ARHGAP27: variants seen among roughly 807,000 people sequenced by gnomAD.
The protein encoded by ARHGAP27 is rho GTPase-activating protein 27.
A neutral mutation model predicts 102.0 loss-of-function variants in ARHGAP27; 53 were observed. The observed-to-expected ratio is 0.52, with a 90% CI of 0.42 to 0.65. The LOEUF is 0.65. ARHGAP27 is among the 30% of genes least tolerant of loss of function. The pLI, the probability that ARHGAP27 is intolerant of heterozygous loss-of-function variation, is 0.00. For synonymous variants in ARHGAP27, 525 were observed against 542.8 expected, an observed-to-expected ratio of 0.97 and a Z score of 0.46; for missense variants, 1,117 against 1,256.2, an observed-to-expected ratio of 0.89 and a Z score of 1.68.
In ARHGAP27 at chr17:45,404,065, T is replaced by G; in HGVS notation, c.1511A>C (p.His504Pro). Residue 504 changes from histidine (H) to proline (P), a missense_variant, in exon 10 of 20, where the codon CAT becomes CCT. His to Pro is a moderately conservative substitution (Grantham distance 77). Transcript: ENST00000685559. ...TKTLDKAGVL[H>P]RTKTADKGKR... ...TCCCTTGTCTGCCGTCTTGGTGCGATGGAGCACCCCTGCCTTGTCCAAGGT... is the reference window on the plus strand; with the variant it reads ...TCCCTTGTCTGCCGTCTTGGTGCGAGGGAGCACCCCTGCCTTGTCCAAGGT... The G allele has an allele frequency of 4.3e-6, 7 of 1,614,164 alleles. No homozygotes were observed. The highest frequency in any genetic ancestry group is 5.9e-6 in the Non-Finnish European group (7 of 1,180,028).
At chr17:45,404,565 T>G in intron 7 of ARHGAP27, 36 bp downstream of exon 7, 2 of 1,613,728 alleles carry the variant, frequency 1.2e-6, no homozygotes, top group Non-Finnish European at 1.7e-6. Context: ...GATCTCTTCC[T>G]CTCTCCCCAA....
At position 45,397,036 on chromosome 17, in the gene ARHGAP27, T is replaced by C. The variant is rs377044245; in HGVS notation, c.1843-12A>G. On this transcript the variant is annotated splice_polypyrimidine_tract_variant and intron_variant, in intron 13 of 19. Coordinates refer to ENST00000685559, the MANE Select transcript of ARHGAP27 (RefSeq NM_001282290.2). ...GGCAGCTCTGCGGACTGGATTCCCA[T>C]AGCCTCAGAGAGGCGGGGCCTTGAG... The C allele has an allele frequency of 1.4e-5, 23 of 1,601,714 alleles. No individual in the cohort carries two copies. The African/African-American group carries it at 3.1e-4, about 21-fold the overall frequency.
intron 10 of ARHGAP27, 99 bp from the exon 11 acceptor site, chr17:45,403,808 G>T: frequency 8.9e-7 from 1 of 1,129,728 alleles, no homozygotes; most frequent in Non-Finnish European, 1.3e-6. Context: ...TAGGAACACA[G>T]GCTAGGGCAC....
Position 45,396,652 on chromosome 17 carries a change from C to G in ARHGAP27, c.2074+16G>C, listed in dbSNP as rs781617378. 15 of 1,613,184 alleles carry G rather than the reference C, an allele frequency of 9.3e-6. No homozygotes were observed. The highest frequency in any genetic ancestry group is 1.7e-4 in the Middle Eastern group (1 of 6,056). On this transcript the variant is annotated intron_variant, in intron 15 of 19. Transcript: ENST00000685559. ...GTCCCGGTCCCGGGTCCCCGCCCCC[C>G]GCAGGCCTCGGGTACCTTTGATGTA...
At chr17:45,423,097 C>G (rs576151483) in intron 4 of ARHGAP27, among the ~76,000 whole-genome samples, 1 of 152,146 alleles carries the variant, frequency 6.6e-6, no homozygotes, top group Non-Finnish European at 1.5e-5. Context: ...AGGAGAATCA[C>G]TTGAACCCAG....
chr17:45,404,105 G>A lies in ARHGAP27; in HGVS notation c.1480-9C>T. 1 of 1,614,162 alleles carries A rather than the reference G, an allele frequency of 6.2e-7. No individual in the cohort carries two copies. The highest frequency in any genetic ancestry group is 8.5e-7 in the Non-Finnish European group (1 of 1,180,018). Reference sequence around the variant, plus strand: ...TTGTCCAAGGTCTTGGTCTAAGAGAGAGAAGAGAGAGCAGGCGCAAGAGTG... The same window carrying A: ...TTGTCCAAGGTCTTGGTCTAAGAGAAAGAAGAGAGAGCAGGCGCAAGAGTG... On this transcript the variant is annotated splice_polypyrimidine_tract_variant and intron_variant, in intron 9 of 19. Coordinates refer to ENST00000685559, the MANE Select transcript of ARHGAP27 (RefSeq NM_001282290.2).
intron 4 of ARHGAP27, among the ~76,000 whole-genome samples, chr17:45,422,249 C>CA (rs1235168284): frequency 3.4e-5 from 5 of 145,666 alleles, no homozygotes; most frequent in Non-Finnish European, 4.6e-5. Context: ...ACAAAAAATA[C>CA]CAAAAAAAAA....
Position 45,404,013 on chromosome 17 carries a change from G to A in ARHGAP27, c.1547+16C>T. 1.2e-6 allele frequency: 2 copies of A among 1,613,770 alleles called. No homozygotes were observed. The highest frequency in any genetic ancestry group is 1.7e-6 in the Non-Finnish European group (2 of 1,179,898). The stretch of plus-strand genomic sequence containing the variant: ...AGGCCCACCCTGCCCCGGCCTGAGT[G>A]TAGATGGGCTCTCACCGGAGCCGCT... On this transcript the variant is annotated intron_variant, in intron 10 of 19. Transcript: ENST00000685559.
Position 45,395,555 on chromosome 17 carries a change from G to A in ARHGAP27, c.2571C>T (p.Pro857=), listed in dbSNP as rs1353057195. 1.1e-5 allele frequency: 18 copies of A among 1,604,258 alleles called. No homozygotes were observed. The highest frequency in any genetic ancestry group is 1.4e-5 in the Non-Finnish European group (17 of 1,175,750). Residue 857 remains proline, a synonymous_variant, in exon 20 of 20, where the codon CCC becomes CCT. Coordinates refer to ENST00000685559, the MANE Select transcript of ARHGAP27 (RefSeq NM_001282290.2). ...TGGGCATGCTGGTCTCTTCCACCTC[G>A]GGCCGCAGCAGCGTGGGCCCGAACA... ...AIVFGPTLLR[P]EVEETSMPMT...
chr17:45,398,058 A>C lies in ARHGAP27; in HGVS notation c.1744-11T>G. ...ATCTCGGCTCCGTAGCTGGAGGGACACAAGTCAGTGGGTCATCTCTGGTAC... is the reference window on the plus strand; with the variant it reads ...ATCTCGGCTCCGTAGCTGGAGGGACCCAAGTCAGTGGGTCATCTCTGGTAC... On this transcript the variant is annotated splice_polypyrimidine_tract_variant and intron_variant, in intron 12 of 19. Coordinates refer to ENST00000685559, the MANE Select transcript of ARHGAP27 (RefSeq NM_001282290.2). 1.9e-6 allele frequency: 3 copies of C among 1,597,000 alleles called. No individual in the cohort carries two copies. Among genetic ancestry groups the C allele is most frequent in the Non-Finnish European group, 1.7e-6 (2 of 1,167,470 alleles).
At chr17:45,398,937 C>A (rs564922804) in intron 12 of ARHGAP27, among the ~76,000 whole-genome samples, 10 of 152,288 alleles carry the variant, frequency 6.6e-5, no homozygotes, top group Middle Eastern at 3.4e-3. Flanking sequence ...GGAGTCCCCA[C>A]CACCTCCCAC....
chr17:45,397,820 T>C, intron 13 of ARHGAP27, 129 bp downstream of exon 13: 1 of 732,836 alleles, frequency 1.4e-6, no homozygotes. Flanking sequence ...CCTGCCATCC[T>C]AGCCATTAGT....
At chr17:45,424,715 G>A (rs1009018026) in intron 4 of ARHGAP27, among the ~76,000 whole-genome samples, 2 of 152,110 alleles carry the variant, frequency 1.3e-5, no homozygotes, top group African/African-American at 4.8e-5. Flanking sequence ...ATTGGGTACA[G>A]TGCACACCAG....
chr17:45,411,519 C>A (rs2047907311), intron 4 of ARHGAP27, among the ~76,000 whole-genome samples: 1 of 152,040 alleles, frequency 6.6e-6, no homozygotes. Flanking sequence ...GGACCCCAAG[C>A]AGAGCCAGGC....
intron 4 of ARHGAP27, 31 bp downstream of exon 4, chr17:45,429,592 C>A (rs768823117): frequency 1.3e-6 from 2 of 1,574,254 alleles, no homozygotes; most frequent in Admixed American, 3.6e-5. Flanking sequence ...GCGCGCCACC[C>A]GCCTCCGCGC....
At chr17:45,408,244 G>T (rs1285833963) in intron 4 of ARHGAP27, 1 of 152,186 alleles carries the variant, frequency 6.6e-6, no homozygotes, top group East Asian at 1.9e-4. Context: ...CCTGCTCTGT[G>T]CCAGGCACTG....
rs1203251608 is a variant in ARHGAP27, at chr17:45,404,050, GC to G, written c.1525del (p.Ala509GlnfsTer24). The G allele has an allele frequency of 6.2e-7, 1 of 1,614,110 alleles. No homozygotes were observed. The highest frequency in any genetic ancestry group is 8.5e-7 in the Non-Finnish European group (1 of 1,180,012). On this transcript the variant is annotated frameshift_variant, in exon 10 of 20. Transcript: ENST00000685559. LOFTEE classifies it high-confidence loss of function. ...TCACCGGAGCCGCTTTCCCTTGTCTGCCGTCTTGGTGCGATGGAGCACCCCT... is the reference window on the plus strand; with the variant it reads ...TCACCGGAGCCGCTTTCCCTTGTCTGCGTCTTGGTGCGATGGAGCACCCCT... The part of the protein sequence containing the change: ...KAGVLHRTKT[A>X]DKGKRLRKKH...
At chr17:45,403,452 C>T (rs892907678) in intron 11 of ARHGAP27, among the ~76,000 whole-genome samples, 167 bp downstream of exon 11, 3 of 152,208 alleles carry the variant, frequency 2.0e-5, no homozygotes, top group African/African-American at 2.4e-5. Flanking sequence ...CCTAGCTACT[C>T]GAGAGGCTGA....
chr17:45,396,320 G>A, intron 16 of ARHGAP27, 36 bp from the exon 17 acceptor site: 2 of 1,581,478 alleles, frequency 1.3e-6, no homozygotes, highest in South Asian at 2.3e-5. Context: ...CGGGTTCAGG[G>A]ATGGGGATAG....
Sources: gnomAD v4.1 joint callset for allele counts (sites outside exome capture counted in the v4.1 genomes callset) on GRCh38, gnomAD v4.1.1 for gene constraint, MANE v1.5 for transcripts, NCBI Gene and HGNC (gene_info 2026-07-23, HGNC 2026-07-21) for gene names.